APBB2: variants seen among roughly 807,000 people sequenced by gnomAD.
The protein encoded by APBB2 is amyloid beta precursor protein binding family B member 2, also known as Fe65-like 1.
A neutral mutation model predicts 82.5 loss-of-function variants in APBB2; 38 were observed. That is an observed-to-expected ratio of 0.46 (90% CI 0.36 to 0.60). The LOEUF (loss-of-function observed/expected upper bound fraction) is 0.60, where lower values mean the gene tolerates loss of function less well. APBB2 is among the 20% of genes least tolerant of loss of function. The pLI is 0.00. For missense variants in APBB2, 772 were observed against 972.3 expected (o/e 0.79, Z 2.74); for synonymous variants, 341 against 368.2 (o/e 0.93, Z 0.85).
At chr4:40,880,411 A>T in intron 12 of APBB2, 1 of 985,456 alleles carries the variant, frequency 1.0e-6, no homozygotes, top group Non-Finnish European at 1.2e-6. Flanking sequence ...CAACTCGTGT[A>T]TGAAAAGTGG....
chr4:41,041,005 C>A (rs1194285767), intron 4 of APBB2, among the ~76,000 whole-genome samples: 1 of 152,072 alleles, frequency 6.6e-6, no homozygotes, highest in Non-Finnish European at 1.5e-5. Context: ...CTCAGCCTCT[C>A]GAGCAGCTGG....
chr4:40,908,181 GGC>G (rs1777580546), intron 10 of APBB2, among the ~76,000 whole-genome samples: 2 of 152,048 alleles, frequency 1.3e-5, no homozygotes, highest in Non-Finnish European at 2.9e-5. Flanking sequence ...AGAACAAAAA[GGC>G]GGCCAGCACA....
At chr4:41,041,613 GA>G (rs1292328978) in intron 4 of APBB2, among the ~76,000 whole-genome samples, 1 of 152,156 alleles carries the variant, frequency 6.6e-6, no homozygotes, top group African/African-American at 2.4e-5. Flanking sequence ...AAAACAGAGA[GA>G]AAAAAGTTGT....
rs1392503999 is a variant in APBB2 at position 40,935,146 on chromosome 4, A to T, written c.1045-7T>A. ...AATCACTCCATGGCTGTTTCTAGACATATAATTATTCACATAGGAAAAAAG... is the reference window on the plus strand; with the variant it reads ...AATCACTCCATGGCTGTTTCTAGACTTATAATTATTCACATAGGAAAAAAG... On this transcript the variant is annotated splice_region_variant and splice_polypyrimidine_tract_variant and intron_variant, in intron 7 of 17. Coordinates refer to ENST00000508593, the MANE Select transcript of APBB2 (RefSeq NM_004307.2). The T allele has an allele frequency of 6.6e-7, 1 of 1,517,884 alleles. No homozygotes were observed. The highest frequency in any genetic ancestry group is 1.2e-5 in the South Asian group (1 of 80,932). The allele number at this position is 1,517,884 out of a possible 1,614,324, so 94.0% of individuals were successfully genotyped here.
intron 1 of APBB2, among the ~76,000 whole-genome samples, chr4:41,159,017 C>A (rs79909928): frequency 0.041 from 6,234 of 152,170 alleles, 205 homozygotes; most frequent in Non-Finnish European, 0.061. Flanking sequence ...AAAAGGGTAG[C>A]TTTACACCCA....
intron 12 of APBB2, among the ~76,000 whole-genome samples, chr4:40,843,897 C>G (rs1005749373): frequency 6.6e-6 from 1 of 152,146 alleles, no homozygotes; most frequent in Non-Finnish European, 1.5e-5. Flanking sequence ...CTGCAGGACT[C>G]GAATTCTAGT....
rs1553875174 is a variant in APBB2, at chr4:40,946,254, A to AAAAAAAAAAAAAAAAAAAAC, written c.836-1182_836-1181insGTTTTTTTTTTTTTTTTTTT. 2.7e-3 allele frequency among the ~76,000 whole-genome samples: 310 copies of AAAAAAAAAAAAAAAAAAAAC among 114,530 alleles called. 40 individuals carry two copies. Among genetic ancestry groups the AAAAAAAAAAAAAAAAAAAAC allele is most frequent in the Middle Eastern group, 4.9e-3 (1 of 206 alleles). 75.1% of individuals were successfully genotyped at this position (114,530 alleles called of 152,430 possible). A position where few individuals can be genotyped will look rare whatever the true frequency, so the allele number is the denominator to read the frequency against. On this transcript the variant is annotated intron_variant, in intron 6 of 17. Transcript: ENST00000508593. ...CTCCAAAAAAAAAAAAAAAAAAAAA[A>AAAAAAAAAAAAAAAAAAAAC]CATTCCCAAGGAAAGCAGATTGGAA...
In APBB2 at chr4:40,823,651, C is replaced by T. The variant is rs1392460457; in HGVS notation, c.1925G>A (p.Ser642Asn). The T allele has an allele frequency of 6.2e-6, 10 of 1,609,612 alleles. No individual in the cohort carries two copies. The African/African-American group carries it at 1.3e-4, about 21-fold the overall frequency. ...NVADATVTVISEKNEEEVLVE... is the reference protein window; with the variant it reads ...NVADATVTVINEKNEEEVLVE... ...TCGAAGATTCCTTCTCACCTTTTCA[C>T]TGATGACAGTCACAGTGGCATCAGC... The change falls in exon 16 of 18, where the codon AGT (serine) becomes AAT (asparagine). Residue 642 changes from serine to asparagine, a missense_variant. Coordinates refer to ENST00000508593, the MANE Select transcript of APBB2 (RefSeq NM_004307.2).
At chr4:41,040,357 T>C (rs561495730) in intron 4 of APBB2, among the ~76,000 whole-genome samples, 2 of 152,212 alleles carry the variant, frequency 1.3e-5, no homozygotes, top group African/African-American at 4.8e-5. Context: ...TAAAGCGAAG[T>C]ACTTCTATCA....
At chr4:40,854,038 T>C (rs1278754537) in intron 12 of APBB2, among the ~76,000 whole-genome samples, 1 of 152,202 alleles carries the variant, frequency 6.6e-6, no homozygotes, top group Non-Finnish European at 1.5e-5. Flanking sequence ...GACACATGGA[T>C]GCTCCTTATC....
rs746505709 is a variant in APBB2 at position 41,033,301 on chromosome 4, A to G, written c.-47T>C. The G allele has an allele frequency of 3.8e-6, 6 of 1,567,204 alleles. No homozygotes were observed. Among genetic ancestry groups the G allele is most frequent in the East Asian group, 2.3e-5 (1 of 44,070 alleles). ...GGTGCAGGAAATAGGTTATAATTTGAAATCTAAAAAGAAGGGATCATTTGA... is the reference window on the plus strand; with the variant it reads ...GGTGCAGGAAATAGGTTATAATTTGGAATCTAAAAAGAAGGGATCATTTGA... On this transcript the variant is annotated 5_prime_UTR_variant, in exon 5 of 18. Transcript: ENST00000508593.
intron 1 of APBB2, among the ~76,000 whole-genome samples, chr4:41,151,439 T>A (rs1199486199): frequency 6.6e-6 from 1 of 152,258 alleles, no homozygotes; most frequent in Admixed American, 6.5e-5. Flanking sequence ...TTTTAATTAA[T>A]GAGATTTATC....
rs1740130799 is a variant in APBB2 at position 41,087,326 on chromosome 4, C to T, written c.-149+13313G>A. On this transcript the variant is annotated intron_variant, in intron 3 of 17. Transcript: ENST00000508593. ...AGCATTTATTCTCTTTTAAAATATA[C>T]CTTAAAAGTTACCAACAATCACCTG... is the stretch of plus-strand genomic sequence containing the variant. Among the ~76,000 whole-genome samples the T allele has an allele frequency of 2.0e-5, 3 of 152,166 alleles. No homozygotes were observed. The South Asian group carries it at 6.2e-4, about 32-fold the overall frequency.
At chr4:41,205,758 T>C (rs1777780486) in intron 1 of APBB2, among the ~76,000 whole-genome samples, 2 of 152,232 alleles carry the variant, frequency 1.3e-5, no homozygotes, top group Admixed American at 1.3e-4. Flanking sequence ...TCAAGTATTG[T>C]TCTCTGCCCT....
intron 1 of APBB2, among the ~76,000 whole-genome samples, chr4:41,167,631 T>C (rs1447477143): frequency 1.3e-5 from 2 of 152,196 alleles, no homozygotes; most frequent in African/African-American, 2.4e-5. Context: ...CTCAGCATTG[T>C]ATGGAAGTCA....
At chr4:40,960,807 A>C (rs1047650605) in intron 6 of APBB2, among the ~76,000 whole-genome samples, 3 of 152,002 alleles carry the variant, frequency 2.0e-5, no homozygotes, top group Non-Finnish European at 2.9e-5. Context: ...AGTCTTTCCT[A>C]CAGCCATATA....
intron 7 of APBB2, among the ~76,000 whole-genome samples, chr4:40,936,971 A>G (rs980186625): frequency 3.3e-5 from 5 of 152,212 alleles, no homozygotes; most frequent in African/African-American, 1.2e-4. Flanking sequence ...CCAGTGACCA[A>G]TTTCGGTTTG....
At chr4:41,152,900 C>T (rs984683317) in intron 1 of APBB2, among the ~76,000 whole-genome samples, 2 of 152,172 alleles carry the variant, frequency 1.3e-5, no homozygotes, top group Non-Finnish European at 2.9e-5. Flanking sequence ...AGTCTCTAAC[C>T]ACAATGGTGA....
chr4:41,018,196 C>T (rs555909199), intron 5 of APBB2, among the ~76,000 whole-genome samples: 3 of 152,148 alleles, frequency 2.0e-5, no homozygotes, highest in Non-Finnish European at 4.4e-5. Context: ...TATTTCTGAC[C>T]ACCATACCTC....
Sources: allele counts gnomAD v4.1 joint callset (sites outside exome capture counted in the v4.1 genomes callset), GRCh38; gene constraint gnomAD v4.1.1; transcripts MANE v1.5; gene names NCBI Gene and HGNC (gene_info 2026-07-23, HGNC 2026-07-21).